The following PSD3 variants were observed in gnomAD, a reference collection of about 807,000 sequenced individuals.
PSD3 encodes the protein PH and SEC7 domain-containing protein 3.
A neutral mutation model predicts 105.5 loss-of-function variants in PSD3; 49 were observed. The ratio of observed to expected loss-of-function variants is 0.46; its 90% CI spans 0.37 to 0.59. The LOEUF is 0.59. Ranked by LOEUF, PSD3 falls within the 20% of genes least tolerant of loss-of-function variation. PSD3 has a pLI of 0.00. For missense variants in PSD3, 1,561 were observed against 1,263.8 expected, an observed-to-expected ratio of 1.24 and a Z score of -3.57; for synonymous variants, 557 against 457.8, an observed-to-expected ratio of 1.22 and a Z score of -2.77.
rs564604047 is a variant in PSD3 at position 18,698,108 on chromosome 8, G to GT, written c.2173-42424dup. Among the ~76,000 whole-genome samples the GT allele has an allele frequency of 4.0e-3, 616 of 152,138 alleles. 8 individuals carry two copies. Among genetic ancestry groups the GT allele is most frequent in the Non-Finnish European group, 3.1e-3 (211 of 67,992 alleles). On this transcript the variant is annotated intron_variant, in intron 9 of 15. Transcript: ENST00000327040. The stretch of plus-strand genomic sequence containing the variant: ...GGCACACAGGATGTATTTTTGTTTT[G>GT]TTTTTTCAGAGACAGGGTCTCACTC...
intron 1 of PSD3, among the ~76,000 whole-genome samples, chr8:19,033,578 T>G (rs1217341937): frequency 6.6e-6 from 1 of 151,562 alleles, no homozygotes. Context: ...TTTTTTTCTT[T>G]CCTTGTACCA....
At chr8:19,011,761 C>A (rs1365748680) in intron 1 of PSD3, among the ~76,000 whole-genome samples, 1 of 127,684 alleles carries the variant, frequency 7.8e-6, no homozygotes, top group Non-Finnish European at 1.8e-5. Flanking sequence ...GCTTCTTATG[C>A]TCGCATTTAA....
In PSD3 at chr8:18,880,114, G is replaced by C. The variant is rs545252320; in HGVS notation, c.131-7381C>G. Among the ~76,000 whole-genome samples the C allele has an allele frequency of 7.9e-5, 12 of 152,076 alleles. No homozygotes were observed. In the East Asian group the frequency reaches 9.7e-4, roughly 12 times the overall value. Reference sequence around the variant, plus strand: ...TTGCATTGGTTATCACAACTTGACTGTGTTGTTAATCCTGACCTTTTATTT... The same window carrying C: ...TTGCATTGGTTATCACAACTTGACTCTGTTGTTAATCCTGACCTTTTATTT... On this transcript the variant is annotated intron_variant, in intron 2 of 15. Coordinates refer to ENST00000327040, the MANE Select transcript of PSD3 (RefSeq NM_015310.4).
chr8:18,935,960 G>A lies in PSD3; in HGVS notation c.130+74C>T, dbSNP rs566607981. 9.0e-5 allele frequency: 82 copies of A among 910,546 alleles called. 3 individuals are homozygous for A. The South Asian group carries it at 1.1e-3, about 12-fold the overall frequency. 56.4% of individuals were successfully genotyped at this position (910,546 alleles called of 1,614,324 possible). A position where few individuals can be genotyped will look rare whatever the true frequency, so the allele number is the denominator to read the frequency against. ...CAGAGGGAAGAAGAAAGTAATGCAG[G>A]TGGAGAAAAATCACTTTGAAATCAC... is the stretch of plus-strand genomic sequence containing the variant. On this transcript the variant is annotated intron_variant, in intron 2 of 15. Coordinates refer to ENST00000327040, the MANE Select transcript of PSD3 (RefSeq NM_015310.4).
At chr8:18,906,176 C>A (rs747049134) in intron 2 of PSD3, among the ~76,000 whole-genome samples, 21 of 152,128 alleles carry the variant, frequency 1.4e-4, no homozygotes, top group Non-Finnish European at 1.8e-4. Context: ...CAGACCCTCT[C>A]CTGACAAAAA....
intron 9 of PSD3, among the ~76,000 whole-genome samples, chr8:18,657,030 T>C (rs1047223362): frequency 6.6e-6 from 1 of 152,246 alleles, no homozygotes; most frequent in African/African-American, 2.4e-5. Context: ...CCTCAAAGAA[T>C]GACTTGGATC....
intron 1 of PSD3, among the ~76,000 whole-genome samples, chr8:18,948,866 GAAGT>G (rs72105189): frequency 0.39 from 59,674 of 151,146 alleles, 11,900 homozygotes; most frequent in Non-Finnish European, 0.41. Flanking sequence ...GGAATCATGA[GAAGT>G]AAGTGTCTTC....
chr8:18,592,900 T>C (rs1423540553), intron 12 of PSD3, among the ~76,000 whole-genome samples: 2 of 152,134 alleles, frequency 1.3e-5, no homozygotes, highest in African/African-American at 4.8e-5. Context: ...CAAATGGTGC[T>C]GGGAAAACTG....
intron 1 of PSD3, chr8:18,940,185 T>C (rs1305867413): frequency 1.3e-5 from 2 of 152,222 alleles, no homozygotes; most frequent in African/African-American, 4.8e-5. Context: ...TCTAACAATT[T>C]TTCAGGTGAT....
At chr8:18,855,714 G>C (rs1815956738) in intron 4 of PSD3, among the ~76,000 whole-genome samples, 1 of 152,034 alleles carries the variant, frequency 6.6e-6, no homozygotes, top group Admixed American at 6.6e-5. Context: ...ACTGTCTAAT[G>C]ATTACAGATG....
In PSD3 at chr8:18,572,839, C is replaced by T. The variant is rs191477696; in HGVS notation, c.2640-167G>A. On this transcript the variant is annotated intron_variant, in intron 13 of 15. Transcript: ENST00000327040. Reference sequence around the variant, plus strand: ...ATTAGAGATGAACATTGTCATTCGACGATCACCAAAGAAGCTATGATCATC... The same window carrying T: ...ATTAGAGATGAACATTGTCATTCGATGATCACCAAAGAAGCTATGATCATC... Among the ~76,000 whole-genome samples, 130 of 152,242 alleles carry T rather than the reference C, an allele frequency of 8.5e-4. 1 individual carries two copies. The highest frequency in any genetic ancestry group is 3.0e-3 in the African/African-American group (126 of 41,566).
At chr8:18,724,266 A>G (rs1417308950) in intron 9 of PSD3, among the ~76,000 whole-genome samples, 2 of 152,144 alleles carry the variant, frequency 1.3e-5, no homozygotes, top group Non-Finnish European at 2.9e-5. Context: ...AGGCAAAATC[A>G]TATTGGGCAA....
rs375215129 is a variant in PSD3 at position 18,600,300 on chromosome 8, T to C, written c.2481+64A>G. The C allele has an allele frequency of 9.0e-4, 1,257 of 1,399,762 alleles. 1 individual carries two copies. Among genetic ancestry groups the C allele is most frequent in the Non-Finnish European group, 1.2e-3 (1,200 of 992,050 alleles). The allele number at this position is 1,399,762 out of a possible 1,614,324, so 86.7% of individuals were successfully genotyped here. On this transcript the variant is annotated intron_variant, in intron 12 of 15. Transcript: ENST00000327040. ...GATAAGGGAGACTACCGTACATACA[T>C]ATACTGGACCTCATGTAATTATTTC...
intron 4 of PSD3, chr8:18,808,802 G>A (rs201428257): frequency 1.9e-6 from 3 of 1,613,726 alleles, no homozygotes; most frequent in Non-Finnish European, 2.5e-6. Flanking sequence ...CCCCTGGGGT[G>A]CGCCTGGACC....
chr8:18,655,833 A>G (rs1019957968), intron 9 of PSD3, 148 bp from the exon 10 acceptor site: 1 of 677,334 alleles, frequency 1.5e-6, no homozygotes, highest in Non-Finnish European at 2.5e-6. Flanking sequence ...TGAAGAATAC[A>G]TGGGGAGGCA....
rs531646377 is a variant in PSD3, at chr8:18,960,660, C to T, written c.22-24518G>A. ...TCATTTTTACACTTTCTATGTATAA[C>T]CAACAGATCCCAATTAGATCCTAAC... On this transcript the variant is annotated intron_variant, in intron 1 of 15. Coordinates refer to ENST00000327040, the MANE Select transcript of PSD3 (RefSeq NM_015310.4). 4.0e-4 allele frequency among the ~76,000 whole-genome samples: 61 copies of T among 152,236 alleles called. No individual in the cohort carries two copies. The South Asian group carries it at 0.012, about 30-fold the overall frequency.
At chr8:18,538,477 C>G (rs1488955140) in intron 15 of PSD3, among the ~76,000 whole-genome samples, 1 of 152,158 alleles carries the variant, frequency 6.6e-6, no homozygotes, top group African/African-American at 2.4e-5. Context: ...TACTCCTAAA[C>G]TGCCTTGGTG....
intron 1 of PSD3, among the ~76,000 whole-genome samples, chr8:19,078,171 C>T (rs141126468): frequency 2.0e-5 from 3 of 152,054 alleles, no homozygotes; most frequent in Non-Finnish European, 4.4e-5. Context: ...GCTGGGATTA[C>T]AGGCATGAGT....
chr8:18,629,962 G>A lies in PSD3; in HGVS notation c.2410+2651C>T, dbSNP rs143014535. ...ATTGAAATGGGGATATCCAGGAAGA[G>A]CCTGAGGAATTAAAGGCAGCTGAAA... On this transcript the variant is annotated intron_variant, in intron 11 of 15. Coordinates refer to ENST00000327040, the MANE Select transcript of PSD3 (RefSeq NM_015310.4). 6.7e-3 allele frequency among the ~76,000 whole-genome samples: 1,015 copies of A among 151,964 alleles called. 13 individuals are homozygous for A. The highest frequency in any genetic ancestry group is 0.023 in the African/African-American group (946 of 41,508).
Sources: allele counts gnomAD v4.1 joint callset (sites outside exome capture counted in the v4.1 genomes callset), GRCh38; gene constraint gnomAD v4.1.1; transcripts MANE v1.5; gene names NCBI Gene and HGNC (gene_info 2026-07-23, HGNC 2026-07-21).